Variants in FILIP1 observed in about 807,000 individuals in gnomAD.
The protein encoded by FILIP1 is filamin A interacting protein 1, also known as filamin-A-interacting protein 1.
A neutral mutation model predicts 102.1 loss-of-function variants in FILIP1; 61 were observed. The ratio of observed to expected loss-of-function variants is 0.60; its 90% CI spans 0.49 to 0.74. The LOEUF (loss-of-function observed/expected upper bound fraction) is 0.74, where lower values mean the gene tolerates loss of function less well. Ranked by LOEUF, FILIP1 falls within the 30% of genes least tolerant of loss-of-function variation. The pLI is 0.00. For synonymous variants in FILIP1, 491 were observed against 526.9 expected (o/e 0.93, Z 0.93); for missense variants, 1,314 against 1,441.2 (o/e 0.91, Z 1.43).
intron 2 of FILIP1, among the ~76,000 whole-genome samples, chr6:75,366,475 A>T (rs2149618053): frequency 6.6e-6 from 1 of 152,348 alleles, no homozygotes; most frequent in Non-Finnish European, 1.5e-5. Flanking sequence ...GAGACTCAGA[A>T]ATAGTTTCCA....
chr6:75,339,862 C>T (rs763364179), intron 4 of FILIP1, among the ~76,000 whole-genome samples: 7 of 152,062 alleles, frequency 4.6e-5, no homozygotes, highest in Non-Finnish European at 7.4e-5. Flanking sequence ...GCAGGAGAAT[C>T]GCTTGAACCT....
chr6:75,467,898 T>C (rs1359364385), intron 1 of FILIP1, among the ~76,000 whole-genome samples: 1 of 152,150 alleles, frequency 6.6e-6, no homozygotes, highest in Non-Finnish European at 1.5e-5. Flanking sequence ...AGGAGAGCAG[T>C]AGGAACAGCA....
chr6:75,424,684 C>T (rs1372275469), intron 1 of FILIP1, among the ~76,000 whole-genome samples: 1 of 151,962 alleles, frequency 6.6e-6, no homozygotes, highest in Non-Finnish European at 1.5e-5. Flanking sequence ...GCAAATATTC[C>T]CAACTTTATT....
chr6:75,397,281 T>C (rs1180976838), intron 2 of FILIP1, among the ~76,000 whole-genome samples: 1 of 151,952 alleles, frequency 6.6e-6, no homozygotes, highest in Admixed American at 6.6e-5. Flanking sequence ...TAAGTCATGT[T>C]AGATATTGCA....
chr6:75,353,269 T>C lies in FILIP1; in HGVS notation c.629+270A>G, dbSNP rs544500779. On this transcript the variant is annotated intron_variant, in intron 4 of 5. Transcript: ENST00000237172. The stretch of plus-strand genomic sequence containing the variant: ...AAAATAAAAAAATAAAGTCCTTGAG[T>C]TTCTTTCCAGCTTTACAGTTTCATG... Among the ~76,000 whole-genome samples, 3 of 152,162 alleles carry C rather than the reference T, an allele frequency of 2.0e-5. No individual in the cohort carries two copies. In the South Asian group the frequency reaches 6.2e-4, roughly 32 times the overall value.
intron 1 of FILIP1, among the ~76,000 whole-genome samples, chr6:75,443,306 A>G (rs1472504899): frequency 6.6e-6 from 1 of 152,256 alleles, no homozygotes; most frequent in Non-Finnish European, 1.5e-5. Context: ...TGTTTATGCC[A>G]AAAGCATTAG....
chr6:75,332,153 G>A (rs922975341), intron 4 of FILIP1, among the ~76,000 whole-genome samples: 2 of 152,126 alleles, frequency 1.3e-5, no homozygotes, highest in African/African-American at 4.8e-5. Context: ...AATGAACCAA[G>A]ACAGCAGTTC....
At chr6:75,350,226 A>C (rs1190149849) in intron 4 of FILIP1, among the ~76,000 whole-genome samples, 1 of 152,186 alleles carries the variant, frequency 6.6e-6, no homozygotes, top group Non-Finnish European at 1.5e-5. Flanking sequence ...AGATTTAAGC[A>C]CTAAAGTATA....
chr6:75,401,604 A>C (rs1776660901), intron 2 of FILIP1, among the ~76,000 whole-genome samples: 1 of 152,198 alleles, frequency 6.6e-6, no homozygotes, highest in African/African-American at 2.4e-5. Flanking sequence ...ACATTTCAAG[A>C]GTTTGCAAAC....
chr6:75,383,974 T>C (rs1775992670), intron 2 of FILIP1, among the ~76,000 whole-genome samples: 2 of 152,190 alleles, frequency 1.3e-5, no homozygotes, highest in Admixed American at 6.6e-5. Context: ...CCTTATTTTT[T>C]TATTCAACAA....
chr6:75,481,644 C>G (rs1192050727), intron 1 of FILIP1, among the ~76,000 whole-genome samples: 2 of 152,212 alleles, frequency 1.3e-5, no homozygotes, highest in South Asian at 2.1e-4. Flanking sequence ...TTGAACCACT[C>G]TAACATCTGA....
chr6:75,365,704 C>CTTT (rs971803839), intron 2 of FILIP1, among the ~76,000 whole-genome samples: 2 of 145,488 alleles, frequency 1.4e-5, no homozygotes, highest in African/African-American at 2.5e-5. Context: ...TGTTTTTAAC[C>CTTT]TTTTTTTTTT....
intron 2 of FILIP1, among the ~76,000 whole-genome samples, chr6:75,392,564 C>T (rs1776309974): frequency 6.6e-6 from 1 of 152,180 alleles, no homozygotes; most frequent in Non-Finnish European, 1.5e-5. Flanking sequence ...ATCTCTTTCT[C>T]ACATATCCCA....
intron 1 of FILIP1, among the ~76,000 whole-genome samples, chr6:75,447,539 C>T (rs1452964333): frequency 6.6e-6 from 1 of 151,980 alleles, no homozygotes; most frequent in East Asian, 1.9e-4. Flanking sequence ...CTTTACCTTA[C>T]CAAACTGAGA....
At chr6:75,370,093 C>T (rs1775464729) in intron 2 of FILIP1, among the ~76,000 whole-genome samples, 1 of 152,224 alleles carries the variant, frequency 6.6e-6, no homozygotes, top group African/African-American at 2.4e-5. Context: ...TTCCCAAGCA[C>T]TATCGCTTCT....
In FILIP1 at chr6:75,319,833, A is replaced by C. The variant is rs532871732; in HGVS notation, c.630-4631T>G. The C allele has an allele frequency of 9.4e-4, 362 of 385,168 alleles. 8 individuals are homozygous for C. Among genetic ancestry groups the C allele is most frequent in the South Asian group, 4.2e-3 (140 of 33,584 alleles). The allele number at this position is 385,168 out of a possible 1,614,324, so 23.9% of individuals were successfully genotyped here. A position where few individuals can be genotyped will look rare whatever the true frequency, so the allele number is the denominator to read the frequency against. On this transcript the variant is annotated intron_variant, in intron 4 of 5. Coordinates refer to ENST00000237172, the MANE Select transcript of FILIP1 (RefSeq NM_015687.5). ...CAACAGAGCAAGACTCCGTCCCCCA[A>C]AAAAAAAAAGAAAAGAAAAGAAAAC...
chr6:75,405,759 G>A (rs1367075137), intron 2 of FILIP1, among the ~76,000 whole-genome samples: 4 of 152,120 alleles, frequency 2.6e-5, no homozygotes, highest in Non-Finnish European at 5.9e-5. Flanking sequence ...CTAATTTAAA[G>A]GACTGACAGG....
At chr6:75,341,793 T>C (rs887164836) in intron 4 of FILIP1, among the ~76,000 whole-genome samples, 3 of 152,222 alleles carry the variant, frequency 2.0e-5, no homozygotes, top group African/African-American at 7.2e-5. Flanking sequence ...CAATAACAGC[T>C]ACCCTCAAAC....
intron 2 of FILIP1, among the ~76,000 whole-genome samples, chr6:75,371,587 A>G (rs1448289205): frequency 6.6e-6 from 1 of 152,220 alleles, no homozygotes; most frequent in African/African-American, 2.4e-5. Flanking sequence ...ACAAACTTAC[A>G]CTAATCAAAA....
Sources: allele counts gnomAD v4.1 joint callset (sites outside exome capture counted in the v4.1 genomes callset), GRCh38; gene constraint gnomAD v4.1.1; transcripts MANE v1.5; gene names NCBI Gene and HGNC (gene_info 2026-07-23, HGNC 2026-07-21).